SLC36A1: variants seen among roughly 807,000 people sequenced by gnomAD.
The protein encoded by SLC36A1 is proton-coupled amino acid transporter 1.
A neutral mutation model predicts 47.5 loss-of-function variants in SLC36A1; 30 were observed. That is an observed-to-expected ratio of 0.63 (90% CI 0.47 to 0.86). The LOEUF is 0.86. Among genes scored for constraint, SLC36A1 ranks in the 40% least tolerant of loss-of-function variants. The pLI is 0.00. For missense variants in SLC36A1, 517 were observed against 606.0 expected (o/e 0.85, Z 1.54); for synonymous variants, 255 against 249.7 (o/e 1.02, Z -0.20).
chr5:151,390,539 C>G, the SLC36A1 span, among the ~76,000 whole-genome samples: 10,931 of 152,062 alleles, frequency 0.072, 994 homozygotes, highest in African/African-American at 0.22. Flanking sequence ...TATGGTTTTA[C>G]GTCTAACATT....
the SLC36A1 span, chr5:151,553,453 G>A: frequency 3.5e-6 from 5 of 1,429,378 alleles, no homozygotes; most frequent in South Asian, 3.6e-5. Context: ...AAGCAGCCAG[G>A]ACAGGAACCA....
At chr5:151,370,854 G>A in the SLC36A1 span, among the ~76,000 whole-genome samples, 10 of 152,050 alleles carry the variant, frequency 6.6e-5, no homozygotes, top group African/African-American at 1.7e-4. Context: ...TTAGCCGGGC[G>A]TGATGGCAGG....
the SLC36A1 span, chr5:151,550,884 A>G: frequency 6.2e-7 from 1 of 1,610,728 alleles, no homozygotes; most frequent in Non-Finnish European, 8.5e-7. Context: ...AGGGAGGGAG[A>G]TGAGGGAGAA....
At chr5:151,420,682 C>T in the SLC36A1 span, among the ~76,000 whole-genome samples, 22,133 of 152,098 alleles carry the variant, frequency 0.15, 2,078 homozygotes, top group East Asian at 0.38. Context: ...GTACAGAAGT[C>T]TATAAAGTAA....
At chr5:151,531,748 A>G in the SLC36A1 span, 1 of 1,613,496 alleles carries the variant, frequency 6.2e-7, no homozygotes, top group Non-Finnish European at 8.5e-7. This position sits in a 1 kb window ranked among gnomAD's most constrained non-coding sequence, Gnocchi z 5.7. Flanking sequence ...GTTCAGGAAC[A>G]CGGGCAGGTA....
the SLC36A1 span, among the ~76,000 whole-genome samples, chr5:151,514,255 A>G: frequency 6.6e-6 from 1 of 152,252 alleles, no homozygotes; most frequent in Non-Finnish European, 1.5e-5. Flanking sequence ...ATGCAACTCA[A>G]GTAAAACATT....
intron 8 of SLC36A1, 85 bp from the exon 9 acceptor site, chr5:151,476,505 C>A: frequency 1.7e-6 from 2 of 1,156,310 alleles, no homozygotes; most frequent in Non-Finnish European, 2.4e-6. Flanking sequence ...AAAAGAGTTA[C>A]TTTTTTTCTG....
upstream of SLC36A1, among the ~76,000 whole-genome samples, chr5:151,443,806 C>T (rs1007043876): frequency 6.6e-6 from 1 of 152,184 alleles, no homozygotes; most frequent in African/African-American, 2.4e-5. Context: ...TCAGATCTTA[C>T]ATTTAGGCCT....
the SLC36A1 span, among the ~76,000 whole-genome samples, chr5:151,374,078 C>T: frequency 3.3e-5 from 5 of 152,152 alleles, no homozygotes; most frequent in Non-Finnish European, 7.3e-5. Flanking sequence ...GGCCCTTGCA[C>T]CAGCAGCGTG....
intron 2 of SLC36A1, among the ~76,000 whole-genome samples, chr5:151,461,745 G>T (rs73272003): frequency 6.6e-6 from 1 of 151,974 alleles, no homozygotes; most frequent in African/African-American, 2.4e-5. Context: ...CCACACATGC[G>T]CAAAGAAAAA....
chr5:151,356,495 T>A, the SLC36A1 span, among the ~76,000 whole-genome samples: 2 of 152,210 alleles, frequency 1.3e-5, no homozygotes, highest in African/African-American at 4.8e-5. Context: ...ATCTTTGTGT[T>A]CCCTTTCATC....
chr5:151,403,452 T>G, the SLC36A1 span, among the ~76,000 whole-genome samples: 1 of 152,098 alleles, frequency 6.6e-6, no homozygotes, highest in Non-Finnish European at 1.5e-5. Flanking sequence ...ATCTTGTCAT[T>G]TAAAAGCGTG....
chr5:151,405,895 G>C, the SLC36A1 span, among the ~76,000 whole-genome samples: 1 of 152,136 alleles, frequency 6.6e-6, no homozygotes, highest in Non-Finnish European at 1.5e-5. Flanking sequence ...GATGTTGCTT[G>C]GTGAAGAAAT....
At position 151,439,514 on chromosome 5, in the gene SLC36A1, G is replaced by A. The variant is rs544010729; in HGVS notation, c.-6+2335G>A. Among the ~76,000 whole-genome samples, 35 of 152,070 alleles carry A rather than the reference G, an allele frequency of 2.3e-4. 1 individual carries two copies. The highest frequency in any genetic ancestry group is 8.2e-4 in the African/African-American group (34 of 41,476). On this transcript the variant is annotated intron_variant, in intron 1 of 8. Coordinates refer to the SLC36A1 transcript ENST00000429484. ...CTAAAAATACAAAAATTTGCCAGGCGTGGTGGTGTGTGCCTGTAGGTCCAG... is the reference window on the plus strand; with the variant it reads ...CTAAAAATACAAAAATTTGCCAGGCATGGTGGTGTGTGCCTGTAGGTCCAG...
upstream of SLC36A1, among the ~76,000 whole-genome samples, chr5:151,435,633 T>G (rs1219051723): frequency 6.6e-6 from 1 of 152,094 alleles, no homozygotes; most frequent in Non-Finnish European, 1.5e-5. Flanking sequence ...TGTTAATACT[T>G]TATTAATTTA....
At chr5:151,503,888 G>A in the SLC36A1 span, among the ~76,000 whole-genome samples, 1 of 152,040 alleles carries the variant, frequency 6.6e-6, no homozygotes, top group African/African-American at 2.4e-5. Context: ...AGAGGCAGAG[G>A]GTTTTTTCCA....
chr5:151,358,064 A>G, the SLC36A1 span, among the ~76,000 whole-genome samples: 1 of 152,166 alleles, frequency 6.6e-6, no homozygotes, highest in Non-Finnish European at 1.5e-5. Context: ...CATTTGCCCT[A>G]TTTGACCACG....
At chr5:151,534,993 A>ATATATATATATATATATATATG in the SLC36A1 span, among the ~76,000 whole-genome samples, 13 of 139,654 alleles carry the variant, frequency 9.3e-5, no homozygotes, top group Admixed American at 5.0e-4. Flanking sequence ...ATATATATAT[A>ATATATATATATATATATATATG]TATGTATACA....
chr5:151,510,218 A>C, the SLC36A1 span: 4 of 1,600,246 alleles, frequency 2.5e-6, no homozygotes, highest in Admixed American at 3.4e-5. Context: ...CTGGCCTAGC[A>C]GTTAAAGGAG....
Sources: gnomAD v4.1 joint callset for allele counts (sites outside exome capture counted in the v4.1 genomes callset) on GRCh38, gnomAD v4.1.1 for gene constraint, Gnocchi (gnomAD v3.1) non-coding constraint, MANE v1.5 for transcripts, NCBI Gene and HGNC (gene_info 2026-07-23, HGNC 2026-07-21) for gene names.